The following TFDP2 variants were observed in gnomAD, a reference collection of about 807,000 sequenced individuals.
The protein encoded by TFDP2 is transcription factor Dp-2 (E2F dimerization partner 2).
TFDP2 carries 17 observed loss-of-function variants against 59.3 expected under a neutral mutation model. The observed-to-expected ratio is 0.29, with a 90% confidence interval of 0.20 to 0.43. TFDP2 has a LOEUF of 0.43. TFDP2 is among the 20% of genes least tolerant of loss of function. The pLI, the probability that TFDP2 is intolerant of heterozygous loss-of-function variation, is 1.00. For missense variants in TFDP2, 391 were observed against 528.8 expected (o/e 0.74, Z 2.56); for synonymous variants, 180 against 194.7 (o/e 0.92, Z 0.63).
intron 11 of TFDP2, 114 bp from the exon 12 acceptor site, chr3:141,953,130 C>G: frequency 1.6e-6 from 1 of 638,320 alleles, no homozygotes; most frequent in East Asian, 2.9e-5. Context: ...TTCATGACAG[C>G]TAGACAATTC....
chr3:142,058,930 T>C (rs963413069), intron 3 of TFDP2, among the ~76,000 whole-genome samples: 3 of 152,158 alleles, frequency 2.0e-5, no homozygotes, highest in Non-Finnish European at 2.9e-5. Flanking sequence ...TTTCAATCCT[T>C]GGTCTTTCTG....
At position 142,005,424 on chromosome 3, in the gene TFDP2, T is replaced by C. The variant is rs754499197; in HGVS notation, c.186+17A>G. On this transcript the variant is annotated intron_variant, in intron 4 of 12. Coordinates refer to ENST00000489671, the MANE Select transcript of TFDP2 (RefSeq NM_001178139.2). ...GCTAAACAAAGTTTCAATTCTAAGA[T>C]TTGATAATTTTCTTACCATTTGGGG... is the stretch of plus-strand genomic sequence containing the variant. 1.3e-6 allele frequency: 2 copies of C among 1,538,990 alleles called. No homozygotes were observed. The highest frequency in any genetic ancestry group is 2.7e-5 in the African/African-American group (2 of 72,860).
intron 3 of TFDP2, among the ~76,000 whole-genome samples, chr3:142,057,087 G>A (rs2059772654): frequency 6.6e-6 from 1 of 152,176 alleles, no homozygotes; most frequent in Non-Finnish European, 1.5e-5. Context: ...TGGCCATGTG[G>A]AGTCACCATC....
At chr3:142,063,300 C>T (rs910088584) in intron 3 of TFDP2, among the ~76,000 whole-genome samples, 1 of 152,130 alleles carries the variant, frequency 6.6e-6, no homozygotes, top group Non-Finnish European at 1.5e-5. Context: ...TACAATTTCA[C>T]TTAAATCTGA....
chr3:142,045,006 A>G (rs1947257440), intron 3 of TFDP2, among the ~76,000 whole-genome samples: 1 of 152,162 alleles, frequency 6.6e-6, no homozygotes, highest in East Asian at 1.9e-4. Context: ...GCTATCTTCT[A>G]CATATTTTTC....
chr3:142,067,801 A>G (rs2060120443), intron 3 of TFDP2, among the ~76,000 whole-genome samples: 1 of 152,198 alleles, frequency 6.6e-6, no homozygotes, highest in African/African-American at 2.4e-5. Flanking sequence ...CTAGGAGTTC[A>G]AGACCAGCCT....
intron 12 of TFDP2, 68 bp downstream of exon 12, chr3:141,952,843 C>T (rs944960417): frequency 2.2e-5 from 34 of 1,560,134 alleles, no homozygotes; most frequent in East Asian, 2.2e-5. Flanking sequence ...AACATGACCC[C>T]GGCTCACCCC....
chr3:142,018,000 T>C (rs2108335309), intron 3 of TFDP2, among the ~76,000 whole-genome samples: 1 of 152,074 alleles, frequency 6.6e-6, no homozygotes, highest in South Asian at 2.1e-4. Flanking sequence ...TGGAGTGCAG[T>C]GGCACGATCT....
At chr3:142,108,489 C>A (rs1294915178) in intron 1 of TFDP2, among the ~76,000 whole-genome samples, 1 of 152,166 alleles carries the variant, frequency 6.6e-6, no homozygotes, top group Non-Finnish European at 1.5e-5. Flanking sequence ...GGATTACAGG[C>A]ATGAGCCACC....
chr3:142,140,365 A>G (rs1033352700), intron 1 of TFDP2, among the ~76,000 whole-genome samples: 5 of 152,156 alleles, frequency 3.3e-5, no homozygotes, highest in Non-Finnish European at 7.4e-5. Flanking sequence ...TGCTTCTGTC[A>G]ACTCATCAAA....
chr3:141,948,107 TC>T lies in TFDP2; in HGVS notation c.*4405del, dbSNP rs928911478. The T allele has an allele frequency of 4.7e-4, 72 of 152,360 alleles. No homozygotes were observed. Among genetic ancestry groups the T allele is most frequent in the African/African-American group, 1.7e-3 (71 of 41,566 alleles). The allele number at this position is 152,360 out of a possible 1,614,324, so 9.4% of individuals were successfully genotyped here. A position where few individuals can be genotyped will look rare whatever the true frequency, so the allele number is the denominator to read the frequency against. On this transcript the variant is annotated 3_prime_UTR_variant, in exon 13 of 13. Transcript: ENST00000489671. ...AAGGATGAAATCTTAAGATTCACTG[TC>T]CAACCCCCACCCCTTACTTACCACT...
intron 11 of TFDP2, among the ~76,000 whole-genome samples, chr3:141,958,588 C>T (rs1046653371): frequency 2.0e-5 from 3 of 152,124 alleles, no homozygotes; most frequent in African/African-American, 7.2e-5. Flanking sequence ...TGGACTGGAA[C>T]AGTAATGTGC....
At chr3:141,960,550 A>C (rs1937228255) in intron 10 of TFDP2, among the ~76,000 whole-genome samples, 1 of 152,212 alleles carries the variant, frequency 6.6e-6, no homozygotes, top group Non-Finnish European at 1.5e-5. Context: ...TCAGCCCTGC[A>C]GGGACAGGGT....
chr3:141,978,338 C>A (rs557249684), intron 7 of TFDP2, among the ~76,000 whole-genome samples, 182 bp downstream of exon 7: 6 of 135,598 alleles, frequency 4.4e-5, no homozygotes, highest in African/African-American at 1.8e-4. Context: ...GAGTGAGGTT[C>A]CGCCTAAAAA....
chr3:142,020,623 A>G (rs568836314), intron 3 of TFDP2, among the ~76,000 whole-genome samples: 1 of 151,232 alleles, frequency 6.6e-6, no homozygotes, highest in Admixed American at 6.6e-5. Context: ...CAAACTTTGC[A>G]GTTACTCTGA....
chr3:141,950,541 GT>G lies in TFDP2; in HGVS notation c.*1971del, dbSNP rs1353654347. The G allele has an allele frequency of 1.3e-5, 2 of 152,644 alleles. No homozygotes were observed. Among genetic ancestry groups the G allele is most frequent in the East Asian group, 3.8e-4 (2 of 5,204 alleles). 9.5% of individuals were successfully genotyped at this position (152,644 alleles called of 1,614,324 possible). A position where few individuals can be genotyped will look rare whatever the true frequency, so the allele number is the denominator to read the frequency against. On this transcript the variant is annotated 3_prime_UTR_variant, in exon 13 of 13. Transcript: ENST00000489671. ...AATGTTGCTACTTGGTGAAGGAATG[GT>G]TATCATTAGTGCACCTGTCTTAAAT...
chr3:141,997,739 A>G (rs774522856), intron 4 of TFDP2, among the ~76,000 whole-genome samples: 2 of 151,144 alleles, frequency 1.3e-5, no homozygotes, highest in Non-Finnish European at 2.9e-5. Context: ...AATCTCAGCT[A>G]CCTGGAAGGC....
intron 2 of TFDP2, among the ~76,000 whole-genome samples, chr3:142,096,156 C>G (rs1010549367): frequency 1.3e-5 from 2 of 152,144 alleles, no homozygotes; most frequent in African/African-American, 4.8e-5. Context: ...AGATAAAAGT[C>G]AATTGTGAGT....
intron 3 of TFDP2, among the ~76,000 whole-genome samples, chr3:142,075,564 A>C (rs2060414820): frequency 1.3e-5 from 2 of 152,036 alleles, no homozygotes; most frequent in Non-Finnish European, 2.9e-5. Flanking sequence ...CAACTCTGTT[A>C]GTCCCTCTCT....
Sources: allele counts gnomAD v4.1 joint callset (sites outside exome capture counted in the v4.1 genomes callset), GRCh38; gene constraint gnomAD v4.1.1; transcripts MANE v1.5; gene names NCBI Gene and HGNC (gene_info 2026-07-23, HGNC 2026-07-21).